The following GSE1 variants were observed in gnomAD, a reference collection of about 807,000 sequenced individuals.
GSE1 encodes the protein genetic suppressor element 1.
GSE1 carries 32 observed loss-of-function variants against 112.6 expected under a neutral mutation model. That is an observed-to-expected ratio of 0.28 (90% CI 0.21 to 0.38). The LOEUF (loss-of-function observed/expected upper bound fraction) is 0.38. Ranked by LOEUF, GSE1 falls within the 10% of genes least tolerant of loss-of-function variation. GSE1 has a pLI of 1.00. For missense variants in GSE1, 2,348 were observed against 1,699.2 expected, an observed-to-expected ratio of 1.38 and a Z score of -6.71; for synonymous variants, 1,115 against 735.6, an observed-to-expected ratio of 1.52 and a Z score of -8.35.
chr16:85,630,512 C>T (rs904976901), intron 1 of GSE1, among the ~76,000 whole-genome samples: 15 of 152,124 alleles, frequency 9.9e-5, no homozygotes, highest in East Asian at 3.9e-4. Flanking sequence ...ACAGAGACAG[C>T]GTCTATGCTG....
At chr16:85,314,569 C>T (rs2045945817) in intron 1 of GSE1, among the ~76,000 whole-genome samples, 2 of 152,078 alleles carry the variant, frequency 1.3e-5, no homozygotes, top group Admixed American at 6.5e-5. Flanking sequence ...CACACACACA[C>T]GTGAGCATGT....
intron 1 of GSE1, among the ~76,000 whole-genome samples, chr16:85,630,752 C>G (rs569303137): frequency 6.6e-6 from 1 of 152,160 alleles, no homozygotes. Flanking sequence ...CAGTGGGGGC[C>G]CAGGAAGCCG....
chr16:85,648,893 CTGCAACG>C (rs1227386974), intron 3 of GSE1, 142 bp downstream of exon 3: 59 of 526,670 alleles, frequency 1.1e-4, no homozygotes, highest in African/African-American at 1.1e-3. Context: ...GTCTCCTTCT[CTGCAACG>C]TGAGGGTGAC....
At chr16:85,600,756 C>A (rs1363968411) in intron 1 of GSE1, among the ~76,000 whole-genome samples, 2 of 152,132 alleles carry the variant, frequency 1.3e-5, no homozygotes, top group African/African-American at 4.8e-5. Flanking sequence ...GGGAAAGGCA[C>A]TCAGCAATCC....
chr16:85,456,744 C>A (rs1223791632), intron 2 of GSE1, among the ~76,000 whole-genome samples: 1 of 151,968 alleles, frequency 6.6e-6, no homozygotes, highest in African/African-American at 2.4e-5. Flanking sequence ...AGGGTGAGCG[C>A]TGGTGGGTGA....
chr16:85,444,468 C>G (rs141151602), intron 2 of GSE1, among the ~76,000 whole-genome samples: 2,308 of 152,162 alleles, frequency 0.015, 47 homozygotes, highest in South Asian at 0.068. Flanking sequence ...TGAGAGCTGC[C>G]GAGTCTGGTT....
intron 8 of GSE1, chr16:85,659,456 C>G (rs893531069): frequency 6.6e-6 from 1 of 152,264 alleles, no homozygotes; most frequent in African/African-American, 2.4e-5. Context: ...CCCGGGAGTT[C>G]TCGGCTGTAG....
intron 1 of GSE1, among the ~76,000 whole-genome samples, chr16:85,590,505 G>A (rs1000406647): frequency 6.6e-6 from 1 of 151,770 alleles, no homozygotes; most frequent in African/African-American, 2.4e-5. Flanking sequence ...GGGCCTGTGT[G>A]TGAATGAGTG....
chr16:85,331,537 G>GTGTA (rs1567693089), intron 1 of GSE1, among the ~76,000 whole-genome samples: 14 of 118,206 alleles, frequency 1.2e-4, no homozygotes, highest in African/African-American at 1.8e-4. Flanking sequence ...GTGTATATGT[G>GTGTA]TATATGTGTG....
At chr16:85,653,391 C>A (rs150171374) in intron 3 of GSE1, among the ~76,000 whole-genome samples, 6 of 144,282 alleles carry the variant, frequency 4.2e-5, no homozygotes, top group Admixed American at 7.0e-5. Flanking sequence ...CCGGGCTGGA[C>A]CCTGCGTGTG....
chr16:85,328,620 A>C (rs2046274947), intron 1 of GSE1, among the ~76,000 whole-genome samples: 1 of 152,208 alleles, frequency 6.6e-6, no homozygotes, highest in Non-Finnish European at 1.5e-5. Flanking sequence ...AACATGTTCC[A>C]GAATATTCCT....
At chr16:85,438,234 A>T (rs1405419575) in intron 2 of GSE1, among the ~76,000 whole-genome samples, 3 of 152,176 alleles carry the variant, frequency 2.0e-5, no homozygotes, top group Admixed American at 6.5e-5. Flanking sequence ...TGAATGAATG[A>T]AGACTTGATA....
chr16:85,619,200 T>G (rs925020512), intron 1 of GSE1, among the ~76,000 whole-genome samples: 1 of 152,196 alleles, frequency 6.6e-6, no homozygotes, highest in African/African-American at 2.4e-5. Flanking sequence ...CCTTGGTGAT[T>G]GGCACTCTGG....
Position 85,647,367 on chromosome 16 carries a change from G to C in GSE1, c.227-1185G>C, listed in dbSNP as rs1316542580. Among the ~76,000 whole-genome samples the C allele has an allele frequency of 5.9e-5, 9 of 152,326 alleles. No individual in the cohort carries two copies. The East Asian group carries it at 1.5e-3, about 26-fold the overall frequency. On this transcript the variant is annotated intron_variant, in intron 2 of 15. Transcript: ENST00000253458. ...CGACGGGCGAGTTCCGGGGTAGGTC[G>C]TGGTGGTGGTTGTAAACAGCGAACC...
intron 1 of GSE1, among the ~76,000 whole-genome samples, chr16:85,574,883 C>A (rs973908492): frequency 6.6e-6 from 1 of 152,202 alleles, no homozygotes; most frequent in African/African-American, 2.4e-5. Context: ...ATATTGGGAT[C>A]TGCGCTCCAG....
At chr16:85,289,022 C>T (rs1220357558) in intron 1 of GSE1, among the ~76,000 whole-genome samples, 1 of 152,230 alleles carries the variant, frequency 6.6e-6, no homozygotes, top group African/African-American at 2.4e-5. Context: ...TCCTCACCTC[C>T]ACCTGCCAGG....
intron 1 of GSE1, among the ~76,000 whole-genome samples, chr16:85,254,696 G>A (rs969884117): frequency 6.6e-6 from 1 of 152,168 alleles, no homozygotes; most frequent in African/African-American, 2.4e-5. Flanking sequence ...GCTCCTGGGC[G>A]GCAGCACTGA....
intron 1 of GSE1, chr16:85,583,498 G>A (rs756173498): frequency 1.3e-5 from 2 of 150,642 alleles, no homozygotes; most frequent in African/African-American, 2.5e-5. Flanking sequence ...TTCCAGGACC[G>A]CCCCCCACCC....
chr16:85,610,390 G>A (rs1006592006), upstream of GSE1, among the ~76,000 whole-genome samples: 3 of 152,238 alleles, frequency 2.0e-5, no homozygotes, highest in Admixed American at 6.5e-5. Flanking sequence ...TGTGGGTAGG[G>A]CGCTGCTTAG....
Sources: allele counts gnomAD v4.1 joint callset (sites outside exome capture counted in the v4.1 genomes callset), GRCh38; gene constraint gnomAD v4.1.1; transcripts MANE v1.5; gene names NCBI Gene and HGNC (gene_info 2026-07-23, HGNC 2026-07-21).